Variants in VSIG2 observed in about 807,000 individuals in gnomAD.
VSIG2 encodes V-set and immunoglobulin domain containing 2, also known as V-set and immunoglobulin domain-containing protein 2.
A neutral mutation model predicts 29.4 loss-of-function variants in VSIG2; 30 were observed. The observed-to-expected ratio is 1.02, with a 90% CI of 0.76 to 1.38. VSIG2 has a LOEUF of 1.38. Among genes scored for constraint, VSIG2 ranks in the 40% most tolerant of loss-of-function variants. The probability of loss-of-function intolerance (pLI) is 0.00; values close to 1 mark genes in which losing one functional copy is unlikely to be tolerated. For missense variants in VSIG2, 421 were observed against 400.8 expected, an observed-to-expected ratio of 1.05 and a Z score of -0.43; for synonymous variants, 178 against 174.2, an observed-to-expected ratio of 1.02 and a Z score of -0.17.
Position 124,748,723 on chromosome 11 carries a change from C to T in VSIG2, c.627G>A (p.Leu209=). The T allele has an allele frequency of 3.1e-6, 5 of 1,614,172 alleles. No individual in the cohort carries two copies. The highest frequency in any genetic ancestry group is 4.2e-6 in the Non-Finnish European group (5 of 1,180,030). The stretch of plus-strand genomic sequence containing the variant: ...CACAGCGGTAGGTGCCCGAGGAGGT[C>T]AGGGAGAGGTTGGTGAGAATGAGCT... ...SGQLILTNLS[L]TSSGTYRCVA... Residue 209 remains leucine, a synonymous_variant, in exon 5 of 7, where the codon CTG becomes CTA. Coordinates refer to ENST00000326621, the MANE Select transcript of VSIG2 (RefSeq NM_014312.5).
At chr11:124,749,891 A>C (rs943504900) in intron 3 of VSIG2, 25 bp from the exon 4 acceptor site, 20 of 1,534,728 alleles carry the variant, frequency 1.3e-5, no homozygotes, top group Admixed American at 6.4e-5. Context: ...AAAAAAAAAA[A>C]AAAACAGAAA....
rs184975052 is a variant in VSIG2 at position 124,750,043 on chromosome 11, T to C, written c.428-177A>G. Among the ~76,000 whole-genome samples the C allele has an allele frequency of 2.9e-3, 438 of 152,262 alleles. 2 individuals carry two copies. Among genetic ancestry groups the C allele is most frequent in the Non-Finnish European group, 3.8e-3 (259 of 68,016 alleles). ...ACTGAGGGATTTCCACTATTGGAAA[T>C]TCTGATTGTTAGAGAAAATTCTTCT... On this transcript the variant is annotated intron_variant, in intron 3 of 6. Coordinates refer to ENST00000326621, the MANE Select transcript of VSIG2 (RefSeq NM_014312.5).
chr11:124,750,010 C>A, intron 3 of VSIG2, 144 bp from the exon 4 acceptor site: 1 of 931,876 alleles, frequency 1.1e-6, no homozygotes, highest in South Asian at 2.4e-5. Flanking sequence ...ACCACTGCAT[C>A]CCCAGGAACT....
In VSIG2 at chr11:124,749,885, A is replaced by AAAAAAAACAAAAAC. The variant is rs1944064322; in HGVS notation, c.428-20_428-19insGTTTTTGTTTTTTT. On this transcript the variant is annotated intron_variant, in intron 3 of 6. Coordinates refer to ENST00000326621, the MANE Select transcript of VSIG2 (RefSeq NM_014312.5). The stretch of plus-strand genomic sequence containing the variant: ...GGGGGAACTGCAAAAAAAAAAAAAA[A>AAAAAAAACAAAAAC]AAAAAAAAAACAGAAAGTTCCTCAG... 7.8e-7 allele frequency: 1 copy of AAAAAAAACAAAAAC among 1,285,120 alleles called. No individual in the cohort carries two copies. Among genetic ancestry groups the AAAAAAAACAAAAAC allele is most frequent in the African/African-American group, 2.0e-5 (1 of 49,890 alleles). The allele number at this position is 1,285,120 out of a possible 1,614,324, so 79.6% of individuals were successfully genotyped here.
chr11:124,749,864 G>C lies in VSIG2; in HGVS notation c.430C>G (p.Pro144Ala). 1.7e-6 allele frequency: 1 copy of C among 580,802 alleles called. No individual in the cohort carries two copies. The allele number at this position is 580,802 out of a possible 1,614,324, so 36.0% of individuals were successfully genotyped here. A position where few individuals can be genotyped will look rare whatever the true frequency, so the allele number is the denominator to read the frequency against. ...TGACTGCATAAGGGATTACTGGGGG[G>C]AACTGCAAAAAAAAAAAAAAAAAAA... Reference protein sequence around the residue: ...LGLINLTVLVPPSNPLCSQSG... With the variant: ...LGLINLTVLVAPSNPLCSQSG... The change falls in exon 4 of 7, where the codon CCC becomes GCC. Residue 144 changes from proline (P) to alanine (A), a missense_variant and splice_region_variant. Coordinates refer to ENST00000326621, the MANE Select transcript of VSIG2 (RefSeq NM_014312.5).
chr11:124,748,510 CCGGCCACT>C lies in VSIG2; in HGVS notation c.723_730del (p.Val242SerfsTer37). 1.2e-6 allele frequency: 2 copies of C among 1,614,194 alleles called. No homozygotes were observed. Among genetic ancestry groups the C allele is most frequent in the Non-Finnish European group, 1.7e-6 (2 of 1,180,024 alleles). ...GCCCAGGAGCACCCCAATCAGAGCT[CCGGCCACT>C]CGGCCTTGGGAGGGTTCTAAGGAGA... is the stretch of plus-strand genomic sequence containing the variant. On this transcript the variant is annotated frameshift_variant, in exon 6 of 7. Transcript: ENST00000326621. LOFTEE classifies it high-confidence loss of function.
Position 124,750,625 on chromosome 11 carries a change from AG to A in VSIG2, c.427+88del, listed in dbSNP as rs548212695. The A allele has an allele frequency of 8.1e-5, 115 of 1,423,028 alleles. No homozygotes were observed. In the African/African-American group the frequency reaches 1.3e-3, roughly 16 times the overall value. 88.2% of individuals were successfully genotyped at this position (1,423,028 alleles called of 1,614,324 possible). ...AGTGCAGTTGTGTGCTTGGGCTAAA[AG>A]TCAGAAACCAGAGATTTAGCAAGAC... is the stretch of plus-strand genomic sequence containing the variant. On this transcript the variant is annotated intron_variant, in intron 3 of 6. Coordinates refer to ENST00000326621, the MANE Select transcript of VSIG2 (RefSeq NM_014312.5).
chr11:124,751,332 T>C, intron 2 of VSIG2, 91 bp downstream of exon 2: 13 of 1,510,016 alleles, frequency 8.6e-6, no homozygotes, highest in Non-Finnish European at 1.2e-5. Flanking sequence ...AGCATACTGA[T>C]CCCCAAACTC....
In VSIG2 at chr11:124,748,549, G is replaced by T. The variant is rs778037571; in HGVS notation, c.707-15C>A. ...TTGGGAGGGTTCTAAGGAGATACAG[G>T]ACCCTCACTCAGAATTGCAGGCTTT... is the stretch of plus-strand genomic sequence containing the variant. On this transcript the variant is annotated splice_polypyrimidine_tract_variant and intron_variant, in intron 5 of 6. Transcript: ENST00000326621. 5.6e-6 allele frequency: 9 copies of T among 1,612,418 alleles called. No individual in the cohort carries two copies. The highest frequency in any genetic ancestry group is 5.9e-6 in the Non-Finnish European group (7 of 1,179,094).
intron 2 of VSIG2, 82 bp from the exon 3 acceptor site, chr11:124,751,003 T>C (rs1381675855): frequency 2.1e-6 from 3 of 1,453,602 alleles, no homozygotes; most frequent in Non-Finnish European, 2.8e-6. Flanking sequence ...AAAGTGGGTA[T>C]AAGAGGCCTC....
At position 124,749,878 on chromosome 11, in the gene VSIG2, A is replaced by AAAAAAAAAAAAAAAAAAC. The variant is rs1944063106; in HGVS notation, c.428-30_428-13dup. On this transcript the variant is annotated splice_polypyrimidine_tract_variant and intron_variant, in intron 3 of 6. Transcript: ENST00000326621. ...ATTACTGGGGGGAACTGCAAAAAAA[A>AAAAAAAAAAAAAAAAAAC]AAAAAAAAAAAAAAAAACAGAAAGT... The AAAAAAAAAAAAAAAAAAC allele has an allele frequency of 6.7e-7, 1 of 1,499,146 alleles. No homozygotes were observed. 92.9% of individuals were successfully genotyped at this position (1,499,146 alleles called of 1,614,324 possible).
intron 1 of VSIG2, 93 bp from the exon 2 acceptor site, chr11:124,751,673 G>A (rs1944088671): frequency 1.5e-6 from 2 of 1,342,464 alleles, no homozygotes; most frequent in African/African-American, 2.9e-5. Flanking sequence ...GAAGCTGGGG[G>A]CTCCCTCCCC....
rs753869623 is a variant in VSIG2 at position 124,750,848 on chromosome 11, G to A, written c.293C>T (p.Pro98Leu). Residue 98 changes from proline to leucine, a missense_variant, in exon 3 of 7, where the codon CCC becomes CTC. Physicochemically the swap from Pro to Leu is moderately conservative, Grantham distance 98. Transcript: ENST00000326621. The part of the protein sequence containing the change: ...KSKRVSLLQN[P>L]PTVGVATLKL... ...CAGTGTGGCCACCCCCACTGTGGGG[G>A]GGTTCTGAAGCAGGCTGACCCGCTT... The A allele has an allele frequency of 6.2e-7, 1 of 1,614,112 alleles. No individual in the cohort carries two copies. The highest frequency in any genetic ancestry group is 8.5e-7 in the Non-Finnish European group (1 of 1,180,020).
Position 124,752,060 on chromosome 11 carries a change from G to T in VSIG2, c.61+17C>A. On this transcript the variant is annotated intron_variant, in intron 1 of 6. Transcript: ENST00000326621. ...GCCCCCCAGCCCTCGCCGTGGTCCCGCCCGGCCCCTCCTCACCACTCAGGC... is the reference window on the plus strand; with the variant it reads ...GCCCCCCAGCCCTCGCCGTGGTCCCTCCCGGCCCCTCCTCACCACTCAGGC... The T allele has an allele frequency of 6.3e-7, 1 of 1,596,350 alleles. No individual in the cohort carries two copies. The highest frequency in any genetic ancestry group is 8.5e-7 in the Non-Finnish European group (1 of 1,174,774).
At position 124,749,947 on chromosome 11, in the gene VSIG2, T is replaced by A. The variant is rs542141881; in HGVS notation, c.428-81A>T. ...CCCCACTCCCAACTCCATTAGGTGC[T>A]ACATTCTCTACTTCAATACCCCTAT... On this transcript the variant is annotated intron_variant, in intron 3 of 6. Transcript: ENST00000326621. The A allele has an allele frequency of 8.6e-3, 12,074 of 1,402,486 alleles. 61 individuals carry two copies. Among genetic ancestry groups the A allele is most frequent in the Non-Finnish European group, 0.01 (11,084 of 1,071,274 alleles). The allele number at this position is 1,402,486 out of a possible 1,614,324, so 86.9% of individuals were successfully genotyped here.
chr11:124,748,365 G>A (rs200550124), intron 6 of VSIG2, 25 bp downstream of exon 6: 75 of 1,575,868 alleles, frequency 4.8e-5, no homozygotes, highest in Middle Eastern at 3.7e-4. Context: ...CCCTCCTTGC[G>A]CCACCCCCCA....
At chr11:124,748,130 T>TTAA (rs1227964161) in intron 6 of VSIG2, 1 of 476,344 alleles carries the variant, frequency 2.1e-6, no homozygotes, top group Non-Finnish European at 3.7e-6. Flanking sequence ...GTAAACTTTA[T>TTAA]TAAATATGAG....
At chr11:124,747,943 A>G (rs1019591678) in intron 6 of VSIG2, among the ~76,000 whole-genome samples, 3 of 151,964 alleles carry the variant, frequency 2.0e-5, no homozygotes, top group Admixed American at 2.0e-4. Flanking sequence ...CCTATCCTAG[A>G]CCCTGACTGG....
At chr11:124,750,610 T>C (rs1944073837) in intron 3 of VSIG2, 104 bp downstream of exon 3, 1 of 1,294,174 alleles carries the variant, frequency 7.7e-7, no homozygotes, top group Admixed American at 2.1e-5. Context: ...AGTGCAGTTG[T>C]GTGCTTGGGC....
Sources: gnomAD v4.1 joint callset for allele counts (sites outside exome capture counted in the v4.1 genomes callset) on GRCh38, gnomAD v4.1.1 for gene constraint, MANE v1.5 for transcripts, NCBI Gene and HGNC (gene_info 2026-07-23, HGNC 2026-07-21) for gene names.